The following QRSL1 variants were observed in gnomAD, a reference collection of about 807,000 sequenced individuals.
QRSL1 encodes the protein glutaminyl-tRNA amidotransferase subunit QRSL1.
In QRSL1, 54 loss-of-function variants were observed where a neutral mutation model predicts 61.6. The ratio of observed to expected loss-of-function variants is 0.88; its 90% CI spans 0.70 to 1.10. The LOEUF (loss-of-function observed/expected upper bound fraction) is 1.10. Ranked by LOEUF, QRSL1 falls within the 50% of genes least tolerant of loss-of-function variation. The probability of loss-of-function intolerance (pLI) is 0.00; values close to 1 mark genes in which losing one functional copy is unlikely to be tolerated. For missense variants in QRSL1, 505 were observed against 622.6 expected (o/e 0.81, Z 2.01); for synonymous variants, 228 against 225.7 (o/e 1.01, Z -0.09).
rs1777043770 is a variant in QRSL1 at position 106,642,831 on chromosome 6, C to CGTGCCA, written c.284-161_284-156dup. 5.3e-6 allele frequency: 4 copies of CGTGCCA among 757,262 alleles called. No homozygotes were observed. The African/African-American group carries it at 6.9e-5, about 13-fold the overall frequency. 46.9% of individuals were successfully genotyped at this position (757,262 alleles called of 1,614,324 possible). On this transcript the variant is annotated intron_variant, in intron 3 of 10. Coordinates refer to ENST00000369046, the MANE Select transcript of QRSL1 (RefSeq NM_018292.5). ...GAGAAAGGTACCTGGGTTCAACTGA[C>CGTGCCA]GTGCCAGCCTGCTCCACCCAGAGAA... is the stretch of plus-strand genomic sequence containing the variant.
chr6:106,655,929 G>C (rs1214082123), intron 9 of QRSL1, among the ~76,000 whole-genome samples, 197 bp downstream of exon 9: 1 of 152,066 alleles, frequency 6.6e-6, no homozygotes, highest in East Asian at 1.9e-4. Flanking sequence ...TAAATGATTG[G>C]TACAGATTAC....
At position 106,634,765 on chromosome 6, in the gene QRSL1, CA is replaced by C. The variant is rs879853525; in HGVS notation, c.24+5071del. Among the ~76,000 whole-genome samples, 357 of 137,906 alleles carry C rather than the reference CA, an allele frequency of 2.6e-3. 1 individual carries two copies. Among genetic ancestry groups the C allele is most frequent in the Non-Finnish European group, 3.9e-3 (249 of 63,176 alleles). The allele number at this position is 137,906 out of a possible 152,430, so 90.5% of individuals were successfully genotyped here. On this transcript the variant is annotated intron_variant, in intron 1 of 10. Transcript: ENST00000369046. The stretch of plus-strand genomic sequence containing the variant: ...TTGGCAACAGAGCAAGGCCCTGTCT[CA>C]AAAAAAAAAAGCAAGAAAGCATGAA...
At chr6:106,629,821 G>A in intron 1 of QRSL1, 116 bp downstream of exon 1, 1 of 1,259,930 alleles carries the variant, frequency 7.9e-7, no homozygotes, top group Non-Finnish European at 1.1e-6. Flanking sequence ...GCTTCCTCTA[G>A]AACTGAGTGG....
rs73509810 is a variant in QRSL1 at position 106,651,472 on chromosome 6, A to G, written c.558-737A>G. Among the ~76,000 whole-genome samples the G allele has an allele frequency of 2.3e-3, 353 of 152,308 alleles. 3 individuals are homozygous for G. Among genetic ancestry groups the G allele is most frequent in the African/African-American group, 8.3e-3 (346 of 41,562 alleles). ...GATATAAATTGGCATAATCTTTCTG[A>G]CAAGTAATTTGACAGCATATATCAG... On this transcript the variant is annotated intron_variant, in intron 5 of 10. Transcript: ENST00000369046.
rs1776763871 is a variant in QRSL1, at chr6:106,629,625, G to C, written c.-57G>C. The C allele has an allele frequency of 1.0e-5, 16 of 1,568,644 alleles. No homozygotes were observed. Among genetic ancestry groups the C allele is most frequent in the Non-Finnish European group, 1.4e-5 (16 of 1,157,560 alleles). On this transcript the variant is annotated 5_prime_UTR_variant, in exon 1 of 11. Transcript: ENST00000369046. The stretch of plus-strand genomic sequence containing the variant: ...GCCCATGTAACATCACTAGCGACCG[G>C]TGACCTCTTTTTCCCCCTTGCCTGG...
chr6:106,643,216 T>C (rs1777050685), intron 4 of QRSL1, 126 bp downstream of exon 4: 1 of 679,094 alleles, frequency 1.5e-6, no homozygotes, highest in Admixed American at 3.0e-5. Flanking sequence ...GATTATGTTA[T>C]GTTGTTTAAT....
In QRSL1 at chr6:106,661,125, T is replaced by TTTTG. The variant is rs559543405; in HGVS notation, c.1161-1852_1161-1851insGTTT. Reference sequence around the variant, plus strand: ...TATTTGTTTTGTTTTGTTTTGTTTTTTTTTGAGACGGAGTCTTGCTCTGTC... The same window carrying TTTTG: ...TATTTGTTTTGTTTTGTTTTGTTTTTTTTGTTTTGAGACGGAGTCTTGCTCTGTC... On this transcript the variant is annotated intron_variant, in intron 9 of 10. Coordinates refer to ENST00000369046, the MANE Select transcript of QRSL1 (RefSeq NM_018292.5). Among the ~76,000 whole-genome samples, 127 of 149,522 alleles carry TTTTG rather than the reference T, an allele frequency of 8.5e-4. 1 individual carries two copies. Among genetic ancestry groups the TTTTG allele is most frequent in the Admixed American group, 2.3e-3 (33 of 14,648 alleles).
chr6:106,650,414 C>T (rs950574106), intron 5 of QRSL1, among the ~76,000 whole-genome samples: 1 of 152,184 alleles, frequency 6.6e-6, no homozygotes, highest in Admixed American at 6.5e-5. Flanking sequence ...TTGTTAGGAG[C>T]ATTGTTCAGT....
Position 106,656,823 on chromosome 6 carries a change from A to G in QRSL1, c.1160+1091A>G, listed in dbSNP as rs189938252. Among the ~76,000 whole-genome samples the G allele has an allele frequency of 3.2e-4, 48 of 152,130 alleles. No individual in the cohort carries two copies. In the East Asian group the frequency reaches 9.1e-3, roughly 29 times the overall value. ...AAGCTTGCACCACCATGCCCAGCTAATTTTTGTATTTTCTGTAGAGACGGG... is the reference window on the plus strand; with the variant it reads ...AAGCTTGCACCACCATGCCCAGCTAGTTTTTGTATTTTCTGTAGAGACGGG... On this transcript the variant is annotated intron_variant, in intron 9 of 10. Coordinates refer to ENST00000369046, the MANE Select transcript of QRSL1 (RefSeq NM_018292.5).
In QRSL1 at chr6:106,649,127, A is replaced by C. The variant is rs751111258; in HGVS notation, c.483A>C (p.Glu161Asp). The C allele has an allele frequency of 1.2e-6, 2 of 1,614,238 alleles. No individual in the cohort carries two copies. Among genetic ancestry groups the C allele is most frequent in the Admixed American group, 3.3e-5 (2 of 60,024 alleles). The change falls in exon 5 of 11, where the codon GAA becomes GAC. Residue 161 changes from glutamate to aspartate, a missense_variant. Coordinates refer to ENST00000369046, the MANE Select transcript of QRSL1 (RefSeq NM_018292.5). ...AGCAGAATCCCCACAGCGAGAATGA[A>C]GATTCAGACTGGCTGATAACTGGAG... ...KRKQNPHSEN[E>D]DSDWLITGGS... is the part of the protein sequence containing the mutation.
chr6:106,633,718 T>G (rs1776873608), intron 1 of QRSL1, among the ~76,000 whole-genome samples: 1 of 152,162 alleles, frequency 6.6e-6, no homozygotes, highest in Non-Finnish European at 1.5e-5. Flanking sequence ...AATCCTAAAG[T>G]TTAAAGAATG....
At position 106,652,334 on chromosome 6, in the gene QRSL1, A is replaced by C; in HGVS notation, c.683A>C (p.Asp228Ala). 1 of 1,614,172 alleles carries C rather than the reference A, an allele frequency of 6.2e-7. No individual in the cohort carries two copies. Among genetic ancestry groups the C allele is most frequent in the African/African-American group, 1.3e-5 (1 of 75,048 alleles). The change falls in exon 6 of 11, where the codon GAT (aspartate) becomes GCT (alanine). Residue 228 changes from aspartate (D) to alanine (A), a missense_variant. Coordinates refer to ENST00000369046, the MANE Select transcript of QRSL1 (RefSeq NM_018292.5). ...CTCATTCCCCTGGTGAATTCGATGG[A>C]TGTGCCAGGAATCTTAACCAGATGT... The part of the protein sequence containing the change: ...HGLIPLVNSM[D>A]VPGILTRCVD...
intron 1 of QRSL1, among the ~76,000 whole-genome samples, chr6:106,638,723 C>G (rs1045399279): frequency 6.6e-6 from 1 of 152,202 alleles, no homozygotes; most frequent in African/African-American, 2.4e-5. Context: ...TGCAGCCTCC[C>G]CATGGAAGTC....
rs115342958 is a variant in QRSL1, at chr6:106,667,322, G to C, written c.*1320G>C. ...CGAGTGTTTTTTATTTGGGACCCTC[G>C]AGCCCAGAGATATTAATGGATATCT... On this transcript the variant is annotated 3_prime_UTR_variant, in exon 11 of 11. Transcript: ENST00000369046. The C allele has an allele frequency of 6.6e-6, 1 of 151,908 alleles. No homozygotes were observed. The highest frequency in any genetic ancestry group is 6.6e-5 in the Admixed American group (1 of 15,256). 9.4% of individuals were successfully genotyped at this position (151,908 alleles called of 1,614,324 possible). A position where few individuals can be genotyped will look rare whatever the true frequency, so the allele number is the denominator to read the frequency against.
At chr6:106,640,590 A>C in intron 2 of QRSL1, 82 bp downstream of exon 2, 1 of 1,263,138 alleles carries the variant, frequency 7.9e-7, no homozygotes, top group Non-Finnish European at 1.1e-6. Context: ...TGGCAAGTGA[A>C]GCTTTAAACA....
rs186162153 is a variant in QRSL1, at chr6:106,644,246, A to C, written c.380+1156A>C. ...TCACTGGGTTTCCCAGGCTGATCTC[A>C]AACTCCTGGACTCAAACTGTGCTCC... is the stretch of plus-strand genomic sequence containing the variant. On this transcript the variant is annotated intron_variant, in intron 4 of 10. Transcript: ENST00000369046. Among the ~76,000 whole-genome samples, 56 of 152,242 alleles carry C rather than the reference A, an allele frequency of 3.7e-4. 1 individual carries two copies. Among genetic ancestry groups the C allele is most frequent in the African/African-American group, 1.3e-3 (54 of 41,550 alleles).
At chr6:106,663,240 T>A in intron 10 of QRSL1, 55 bp downstream of exon 10, 1 of 1,545,086 alleles carries the variant, frequency 6.5e-7, no homozygotes, top group Non-Finnish European at 8.9e-7. Context: ...GCAGGTACCC[T>A]GGTCTTCAAC....
intron 5 of QRSL1, among the ~76,000 whole-genome samples, chr6:106,651,686 G>A (rs2114710859): frequency 6.6e-6 from 1 of 152,190 alleles, no homozygotes; most frequent in African/African-American, 2.4e-5. Context: ...GGGTAGCAAA[G>A]GGCTGTATCT....
chr6:106,632,391 T>A (rs1000327489), intron 1 of QRSL1, among the ~76,000 whole-genome samples: 1 of 152,022 alleles, frequency 6.6e-6, no homozygotes. Flanking sequence ...TTTAATTATT[T>A]TTTTTTTAGA....
Sources: gnomAD v4.1 joint callset for allele counts (sites outside exome capture counted in the v4.1 genomes callset) on GRCh38, gnomAD v4.1.1 for gene constraint, MANE v1.5 for transcripts, NCBI Gene and HGNC (gene_info 2026-07-23, HGNC 2026-07-21) for gene names.